PLXNA4: variants seen among roughly 807,000 people sequenced by gnomAD.
PLXNA4 encodes plexin A4.
PLXNA4 carries 44 observed loss-of-function variants against 191.8 expected under a neutral mutation model. The ratio of observed to expected loss-of-function variants is 0.23; its 90% CI spans 0.18 to 0.29. The LOEUF (loss-of-function observed/expected upper bound fraction) is 0.29. Ranked by LOEUF, PLXNA4 falls within the 10% of genes least tolerant of loss-of-function variation. PLXNA4 has a pLI of 1.00. For missense variants in PLXNA4, 1,800 were observed against 2,488.8 expected (o/e 0.72, Z 5.89); for synonymous variants, 1,082 against 1,009.5 (o/e 1.07, Z -1.36).
chr7:132,215,331 C>T (rs1797931105), intron 9 of PLXNA4, among the ~76,000 whole-genome samples: 1 of 152,174 alleles, frequency 6.6e-6, no homozygotes, highest in East Asian at 1.9e-4. Flanking sequence ...TTGGGCAAGC[C>T]CCTCAAACCC....
chr7:132,636,485 G>A (rs769075257), intron 2 of PLXNA4, among the ~76,000 whole-genome samples: 1 of 152,192 alleles, frequency 6.6e-6, no homozygotes, highest in African/African-American at 2.4e-5. Flanking sequence ...AGCCCCCCCA[G>A]GAGTGATTGG....
intron 2 of PLXNA4, chr7:132,645,812 A>G (rs1803855856): frequency 6.6e-6 from 1 of 152,616 alleles, no homozygotes; most frequent in Admixed American, 6.5e-5. Flanking sequence ...CGAAAGCAGT[A>G]AGAGCTAGAA....
At chr7:132,522,590 G>T (rs1799234305) in intron 1 of PLXNA4, among the ~76,000 whole-genome samples, 1 of 152,148 alleles carries the variant, frequency 6.6e-6, no homozygotes, top group Admixed American at 6.5e-5. Flanking sequence ...TGGGCAATTT[G>T]GTGAAGCCCC....
Position 132,211,125 on chromosome 7 carries a change from G to T in PLXNA4, c.2116C>A (p.Arg706=). 6.4e-7 allele frequency: 1 copy of T among 1,561,866 alleles called. No homozygotes were observed. The highest frequency in any genetic ancestry group is 8.7e-7 in the Non-Finnish European group (1 of 1,152,688). ...KLPEDCPQLL[R]VDKILVPVEV... The stretch of plus-strand genomic sequence containing the variant: ...ACGGGCACCAGGATCTTGTCCACTC[G>T]CAGCAGCTGGGGGCAGTCCTGGGGA... The change falls in exon 10 of 32, where the codon CGA becomes AGA. Residue 706 remains arginine, a synonymous_variant. Transcript: ENST00000321063.
intron 4 of PLXNA4, among the ~76,000 whole-genome samples, chr7:132,290,652 G>A (rs1311227828): frequency 6.6e-6 from 1 of 152,240 alleles, no homozygotes; most frequent in Non-Finnish European, 1.5e-5. Flanking sequence ...AGACACAGGG[G>A]AAGGGGTGGG....
intron 3 of PLXNA4, among the ~76,000 whole-genome samples, chr7:132,326,130 C>T (rs554023850): frequency 1.6e-3 from 242 of 152,076 alleles, no homozygotes; most frequent in Non-Finnish European, 2.9e-3. Context: ...CTACTGAGGG[C>T]CCGAATAGAA....
intron 1 of PLXNA4, among the ~76,000 whole-genome samples, chr7:132,546,218 C>T (rs2116536878): frequency 6.6e-6 from 1 of 152,292 alleles, no homozygotes; most frequent in African/African-American, 2.4e-5. Flanking sequence ...AATGGCAGCA[C>T]TGCAGAAAAA....
At chr7:132,374,710 C>T (rs1375990502) in intron 3 of PLXNA4, among the ~76,000 whole-genome samples, 1 of 152,302 alleles carries the variant, frequency 6.6e-6, no homozygotes, top group African/African-American at 2.4e-5. Context: ...CCAGCTTTGC[C>T]CCCAAGAAAA....
chr7:132,375,027 T>C (rs934120642), intron 3 of PLXNA4, among the ~76,000 whole-genome samples: 5 of 152,214 alleles, frequency 3.3e-5, no homozygotes, highest in Non-Finnish European at 5.9e-5. Context: ...GTCCCCGCCC[T>C]CTGCATTCTC....
intron 5 of PLXNA4, among the ~76,000 whole-genome samples, chr7:132,238,055 G>A (rs1252716475): frequency 2.0e-5 from 3 of 152,116 alleles, no homozygotes; most frequent in Non-Finnish European, 2.9e-5. Flanking sequence ...AATAGTCCCC[G>A]AATGTAGTGC....
At chr7:132,226,907 C>A (rs1237295840) in intron 7 of PLXNA4, among the ~76,000 whole-genome samples, 2 of 152,232 alleles carry the variant, frequency 1.3e-5, no homozygotes, top group African/African-American at 4.8e-5. Flanking sequence ...ATGGGAGGGA[C>A]AACATGGAAT....
At chr7:132,532,635 C>T (rs1310644078) in intron 1 of PLXNA4, among the ~76,000 whole-genome samples, 2 of 152,152 alleles carry the variant, frequency 1.3e-5, no homozygotes, top group Non-Finnish European at 1.5e-5. Context: ...AACCATTTGT[C>T]GTCTCTGATC....
chr7:132,512,745 T>C (rs1798775746), intron 1 of PLXNA4, among the ~76,000 whole-genome samples: 2 of 152,172 alleles, frequency 1.3e-5, no homozygotes, highest in African/African-American at 4.8e-5. Flanking sequence ...GCTGCTCCAA[T>C]CTGGCAAAGC....
intron 3 of PLXNA4, among the ~76,000 whole-genome samples, chr7:132,362,592 TAGTC>T (rs1803991776): frequency 6.6e-6 from 1 of 152,166 alleles, no homozygotes; most frequent in Non-Finnish European, 1.5e-5. Flanking sequence ...AATTTTCACT[TAGTC>T]AGAAAGTATA....
intron 3 of PLXNA4, among the ~76,000 whole-genome samples, chr7:132,420,954 C>A (rs560977716): frequency 6.6e-6 from 1 of 152,212 alleles, no homozygotes; most frequent in Admixed American, 6.5e-5. Flanking sequence ...GTCCAATAAA[C>A]CTCTTTCTTT....
chr7:132,610,488 C>T (rs932387553), intron 2 of PLXNA4, among the ~76,000 whole-genome samples: 5 of 152,352 alleles, frequency 3.3e-5, no homozygotes, highest in East Asian at 1.9e-4. Flanking sequence ...CTAGTCCCCC[C>T]ATCCCTGCTA....
At chr7:132,181,304 G>A (rs960785103) in intron 18 of PLXNA4, 77 bp downstream of exon 18, 2 of 1,586,472 alleles carry the variant, frequency 1.3e-6, no homozygotes, top group Non-Finnish European at 1.7e-6. Context: ...TGTGGCAGGA[G>A]TCTGTGACTT....
chr7:132,234,655 G>C (rs982715586), intron 5 of PLXNA4, among the ~76,000 whole-genome samples: 1 of 151,308 alleles, frequency 6.6e-6, no homozygotes, highest in Non-Finnish European at 1.5e-5. Flanking sequence ...TTGGCGGGGG[G>C]CAGGGTTAAA....
At chr7:132,342,187 G>T (rs547741039) in intron 3 of PLXNA4, among the ~76,000 whole-genome samples, 1 of 149,868 alleles carries the variant, frequency 6.7e-6, no homozygotes, top group East Asian at 2.0e-4. Context: ...TGCTGTTAGG[G>T]AATTTATGAT....
Sources: gnomAD v4.1 joint callset for allele counts (sites outside exome capture counted in the v4.1 genomes callset) on GRCh38, gnomAD v4.1.1 for gene constraint, MANE v1.5 for transcripts, NCBI Gene and HGNC (gene_info 2026-07-23, HGNC 2026-07-21) for gene names.